The following GGNBP2 variants were observed in gnomAD, a reference collection of about 807,000 sequenced individuals.
GGNBP2 encodes gametogenetin-binding protein 2.
GGNBP2 carries 10 observed loss-of-function variants against 85.9 expected under a neutral mutation model. That is an observed-to-expected ratio of 0.12 (90% confidence interval 0.07 to 0.20). The LOEUF is 0.20. Among genes scored for constraint, GGNBP2 ranks in the 10% least tolerant of loss-of-function variants. The pLI is 1.00. For missense variants in GGNBP2, 595 were observed against 857.8 expected (o/e 0.69, Z 3.83); for synonymous variants, 287 against 285.7 (o/e 1.00, Z -0.05).
intron 8 of GGNBP2, among the ~76,000 whole-genome samples, chr17:36,580,772 C>T (rs1393484331): frequency 6.6e-6 from 1 of 151,666 alleles, no homozygotes; most frequent in Non-Finnish European, 1.5e-5. Context: ...ATACAAAAAT[C>T]AGCCAGTGTG....
Position 36,578,013 on chromosome 17 carries a change from C to G in GGNBP2, c.672C>G (p.Leu224=). 1.2e-6 allele frequency: 2 copies of G among 1,614,088 alleles called. No homozygotes were observed. Among genetic ancestry groups the G allele is most frequent in the Non-Finnish European group, 1.7e-6 (2 of 1,180,000 alleles). ...RFCTDCKNKV[L]RAYNILIGEL... ...GCACTGATTGCAAAAATAAAGTCCT[C>G]CGAGCATACAATATCCTTATTGGTG... The change falls in exon 7 of 14, where the codon CTC becomes CTG. Residue 224 remains leucine (L), a synonymous_variant. Transcript: ENST00000613102.
At chr17:36,548,614 T>TAAAAAAAAAAAA (rs2074277007) in intron 2 of GGNBP2, among the ~76,000 whole-genome samples, 1 of 7,062 alleles carries the variant, frequency 1.4e-4, no homozygotes, top group Admixed American at 1.9e-3. Context: ...AGACTCTGTC[T>TAAAAAAAAAAAA]CAAAAAAAAA....
chr17:36,545,545 C>G lies in GGNBP2; in HGVS notation c.-106-74C>G. 5.3e-6 allele frequency: 3 copies of G among 571,194 alleles called. No homozygotes were observed. In the South Asian group the frequency reaches 6.5e-5, roughly 12 times the overall value. 35.4% of individuals were successfully genotyped at this position (571,194 alleles called of 1,614,324 possible). On this transcript the variant is annotated intron_variant, in intron 1 of 13. Coordinates refer to ENST00000613102, the MANE Select transcript of GGNBP2 (RefSeq NM_024835.5). ...CCCGGCTCTCCCGTACCCTCCCGCT[C>G]CGCTCCCTGCCCCCCGTGGCGAATG... is the stretch of plus-strand genomic sequence containing the variant.
intron 7 of GGNBP2, chr17:36,578,460 TCA>T (rs1026632075): frequency 1.4e-5 from 5 of 368,448 alleles, no homozygotes; most frequent in African/African-American, 1.0e-4. Context: ...ACTATCATTT[TCA>T]TTTGAAAATG....
At chr17:36,580,344 A>G in intron 8 of GGNBP2, among the ~76,000 whole-genome samples, 1 of 150,988 alleles carries the variant, frequency 6.6e-6, no homozygotes. Context: ...AGTAGCTGGG[A>G]CTGCAGGCGC....
intron 3 of GGNBP2, among the ~76,000 whole-genome samples, chr17:36,556,246 T>A (rs1704194152): frequency 6.6e-6 from 1 of 152,192 alleles, no homozygotes; most frequent in Non-Finnish European, 1.5e-5. Context: ...GTTACTTCCC[T>A]ACATAAGGAA....
intron 2 of GGNBP2, among the ~76,000 whole-genome samples, chr17:36,552,581 T>C (rs1426913097): frequency 5.3e-5 from 8 of 152,188 alleles, no homozygotes; most frequent in Admixed American, 2.6e-4. Context: ...TTATTACTTA[T>C]TGCTACCCCC....
intron 7 of GGNBP2, chr17:36,578,965 T>G: frequency 2.8e-6 from 1 of 358,278 alleles, no homozygotes; most frequent in Non-Finnish European, 5.2e-6. Context: ...AGCTGGACAC[T>G]TCTATGTGAT....
intron 2 of GGNBP2, among the ~76,000 whole-genome samples, chr17:36,548,254 T>G (rs1048383516): frequency 6.6e-6 from 1 of 152,348 alleles, no homozygotes; most frequent in Admixed American, 6.5e-5. Context: ...GCTGAAACTT[T>G]ACCCTTAGTT....
At chr17:36,571,256 G>GTTCAAT (rs1555606763) in intron 6 of GGNBP2, among the ~76,000 whole-genome samples, 3 of 152,014 alleles carry the variant, frequency 2.0e-5, no homozygotes, top group Non-Finnish European at 4.4e-5. Flanking sequence ...AACATAGGGA[G>GTTCAAT]GCCCATTTAT....
chr17:36,587,603 A>G (rs2142794224), intron 13 of GGNBP2: 1 of 228,602 alleles, frequency 4.4e-6, no homozygotes, highest in African/African-American at 2.2e-5. Context: ...AAAATCCCAA[A>G]TAAGGCTGGG....
chr17:36,573,123 C>CT (rs572103224), intron 6 of GGNBP2, among the ~76,000 whole-genome samples: 28 of 150,960 alleles, frequency 1.9e-4, no homozygotes, highest in South Asian at 1.3e-3. Flanking sequence ...TTTCTTTTTT[C>CT]TTTTTTTTTG....
chr17:36,547,246 A>T (rs903418109), intron 2 of GGNBP2: 2 of 152,118 alleles, frequency 1.3e-5, no homozygotes, highest in African/African-American at 2.4e-5. Flanking sequence ...TCAGATAGGG[A>T]TTCATTTGTT....
At chr17:36,553,399 C>T (rs1465429682) in intron 2 of GGNBP2, among the ~76,000 whole-genome samples, 2 of 152,068 alleles carry the variant, frequency 1.3e-5, no homozygotes, top group East Asian at 1.9e-4. Context: ...CTATTGCTTA[C>T]GTTTGACTTA....
Position 36,561,049 on chromosome 17 carries a change from A to G in GGNBP2, c.527+178A>G, listed in dbSNP as rs190023367. Among the ~76,000 whole-genome samples, 183 of 152,344 alleles carry G rather than the reference A, an allele frequency of 1.2e-3. 2 individuals carry two copies. Among genetic ancestry groups the G allele is most frequent in the African/African-American group, 4.3e-3 (177 of 41,596 alleles). The stretch of plus-strand genomic sequence containing the variant: ...TTGGCCATTTTGCCTTGATATATAT[A>G]AAGTCTCAATGTAGATCTGATTTAA... On this transcript the variant is annotated intron_variant, in intron 5 of 13. Transcript: ENST00000613102.
At chr17:36,555,882 T>G (rs1007692088) in intron 3 of GGNBP2, among the ~76,000 whole-genome samples, 3 of 152,190 alleles carry the variant, frequency 2.0e-5, no homozygotes, top group African/African-American at 4.8e-5. Context: ...CTGTCAAATA[T>G]TTTCGATCCT....
At chr17:36,580,826 G>C in intron 8 of GGNBP2, among the ~76,000 whole-genome samples, 1 of 152,048 alleles carries the variant, frequency 6.6e-6, no homozygotes, top group East Asian at 1.9e-4. Context: ...GGCTGAGGCA[G>C]GAGAATCGCT....
intron 3 of GGNBP2, 40 bp downstream of exon 3, chr17:36,554,940 G>A (rs749495093): frequency 8.7e-6 from 10 of 1,152,666 alleles, no homozygotes; most frequent in Non-Finnish European, 1.3e-5. Context: ...TGGTGTATGT[G>A]TATTTTAAAG....
In GGNBP2 at chr17:36,589,709, T is replaced by A. The variant is rs779306471; in HGVS notation, c.*298T>A. The A allele has an allele frequency of 1.0e-4, 41 of 396,122 alleles. No individual in the cohort carries two copies. The highest frequency in any genetic ancestry group is 1.6e-4 in the Non-Finnish European group (35 of 220,412). 24.5% of individuals were successfully genotyped at this position (396,122 alleles called of 1,614,324 possible). On this transcript the variant is annotated 3_prime_UTR_variant, in exon 14 of 14. Coordinates refer to ENST00000613102, the MANE Select transcript of GGNBP2 (RefSeq NM_024835.5). Reference sequence around the variant, plus strand: ...GTGGCAAAAAGTAATGTTGTACTTATAATTCTGTACAGAAATGACAATGAG... The same window carrying A: ...GTGGCAAAAAGTAATGTTGTACTTAAAATTCTGTACAGAAATGACAATGAG...
Sources: gnomAD v4.1 joint callset for allele counts (sites outside exome capture counted in the v4.1 genomes callset) on GRCh38, gnomAD v4.1.1 for gene constraint, MANE v1.5 for transcripts, NCBI Gene and HGNC (gene_info 2026-07-23, HGNC 2026-07-21) for gene names.